The following MUC5B variants were observed in gnomAD, a reference collection of about 807,000 sequenced individuals.
The protein encoded by MUC5B is mucin 5B, oligomeric mucus/gel-forming.
A neutral mutation model predicts 376.9 loss-of-function variants in MUC5B; 116 were observed. That is an observed-to-expected ratio of 0.31 (90% CI 0.26 to 0.36). MUC5B has a LOEUF of 0.36. MUC5B is among the 10% of genes least tolerant of loss of function. The pLI, the probability that MUC5B is intolerant of heterozygous loss-of-function variation, is 1.00. For synonymous variants in MUC5B, 3,517 were observed against 3,390.9 expected, an observed-to-expected ratio of 1.04 and a Z score of -1.29; for missense variants, 7,165 against 7,769.9, an observed-to-expected ratio of 0.92 and a Z score of 2.93.
Position 1,239,929 on chromosome 11 carries a change from G to C in MUC5B, c.3714G>C (p.Glu1238Asp), listed in dbSNP as rs1420397253. ...YDVGARVPTA[E>D]NCQSCNCTPS... The stretch of plus-strand genomic sequence containing the variant: ...TCGGTGCAAGGGTCCCCACAGCGGA[G>C]AACTGCCAGAGCTGGTGAGGGGGTG... Residue 1238 changes from glutamate (E) to aspartate (D), a missense_variant, in exon 28 of 49, where the codon GAG becomes GAC. Around this residue, in one of 31 missense-constraint regions of MUC5B, gnomAD observed 517 missense variants for 545.3 expected, o/e 0.95. Transcript: ENST00000529681. The C allele has an allele frequency of 6.2e-7, 1 of 1,613,248 alleles. No individual in the cohort carries two copies. Among genetic ancestry groups the C allele is most frequent in the Admixed American group, 1.7e-5 (1 of 59,952 alleles).
rs542410041 is a variant in MUC5B, at chr11:1,250,254, C to T, written c.13374C>T (p.Thr4458=). Residue 4458 remains threonine (T), a synonymous_variant, in exon 31 of 49, where the codon ACC becomes ACT. Transcript: ENST00000529681. The part of the protein sequence containing the change: ...WILTEPSTTA[T]VTVPTGSTAT... ...TCACAGAGCCGAGCACTACAGCCAC[C>T]GTGACGGTGCCCACCGGATCCACGG... is the stretch of plus-strand genomic sequence containing the variant. 4.6e-4 allele frequency: 746 copies of T among 1,612,460 alleles called. No homozygotes were observed. Among genetic ancestry groups the T allele is most frequent in the Non-Finnish European group, 5.5e-4 (652 of 1,179,284 alleles).
At position 1,255,154 on chromosome 11, in the gene MUC5B, T is replaced by C; in HGVS notation, c.15778T>C (p.Cys5260Arg). 1 of 1,567,532 alleles carries C rather than the reference T, an allele frequency of 6.4e-7. No individual in the cohort carries two copies. Among genetic ancestry groups the C allele is most frequent in the Non-Finnish European group, 8.6e-7 (1 of 1,157,562 alleles). ...WLVPDSRKDG[C>R]WAPTGTPPTA... ...GGTCCCCGACAGCAGAAAGGATGGCTGCTGGGCCCCGACTGGCACACCCCC... is the reference window on the plus strand; with the variant it reads ...GGTCCCCGACAGCAGAAAGGATGGCCGCTGGGCCCCGACTGGCACACCCCC... Residue 5260 changes from cysteine (C) to arginine (R), a missense_variant, in exon 36 of 49, where the codon TGC becomes CGC. By Grantham distance (180) the Cys-to-Arg change is radical (BLOSUM62 -3). Around this residue, in one of 31 missense-constraint regions of MUC5B, gnomAD observed 842 missense variants for 1,016.9 expected, o/e 0.83. Transcript: ENST00000529681.
Position 1,247,250 on chromosome 11 carries a change from G to A in MUC5B, c.10370G>A (p.Arg3457Gln), listed in dbSNP as rs371007525. Reference sequence around the variant, plus strand: ...AACACCACGGCCACCACACACGGGCGGTCCCTGCCCCCCAGCAGTCCCCAC... The same window carrying A: ...AACACCACGGCCACCACACACGGGCAGTCCCTGCCCCCCAGCAGTCCCCAC... ...VPNTTATTHG[R>Q]SLPPSSPHTV... The change falls in exon 31 of 49, where the codon CGG (arginine) becomes CAG (glutamine). Residue 3457 changes from arginine to glutamine, a missense_variant. Physicochemically the swap from Arg to Gln is conservative, Grantham distance 43 (BLOSUM62 1). Transcript: ENST00000529681. The A allele has an allele frequency of 5.3e-5, 86 of 1,611,974 alleles. No individual in the cohort carries two copies. In the Middle Eastern group the frequency reaches 3.3e-3, roughly 62 times the overall value.
At chr11:1,227,177 A>G (rs778449982) in intron 5 of MUC5B, 32 bp downstream of exon 5, 1 of 1,596,544 alleles carries the variant, frequency 6.3e-7, no homozygotes, top group Non-Finnish European at 8.6e-7. Context: ...TTGCCCCTTC[A>G]GGCCTGGCCA....
In MUC5B at chr11:1,248,718, A is replaced by C; in HGVS notation, c.11838A>C (p.Ser3946=). 1 of 1,564,506 alleles carries C rather than the reference A, an allele frequency of 6.4e-7. No individual in the cohort carries two copies. Among genetic ancestry groups the C allele is most frequent in the South Asian group, 1.2e-5 (1 of 86,556 alleles). The change falls in exon 31 of 49, where the codon TCA becomes TCC. Residue 3946 remains serine, a synonymous_variant. Coordinates refer to ENST00000529681, the MANE Select transcript of MUC5B (RefSeq NM_002458.3). ...CACAGACCAGTGGTACTCCCCCATC[A>C]CTGATCACCACGGCCACTACGATCA... is the stretch of plus-strand genomic sequence containing the variant. The part of the protein sequence containing the change: ...SSTQTSGTPP[S]LITTATTITA...
chr11:1,242,295 C>T lies in MUC5B; in HGVS notation c.5415C>T (p.Gly1805=), dbSNP rs369279116. The T allele has an allele frequency of 1.6e-4, 255 of 1,613,706 alleles. No homozygotes were observed. The highest frequency in any genetic ancestry group is 1.8e-4 in the Admixed American group (11 of 59,986). ...DVDFPTSGVA[G]GDMETFENIR... The stretch of plus-strand genomic sequence containing the variant: ...ACTTCCCAACCTCAGGGGTTGCAGG[C>T]GGGGACATGGAAACTTTTGAAAACA... Residue 1805 remains glycine (G), a synonymous_variant, in exon 31 of 49, where the codon GGC becomes GGT. Coordinates refer to ENST00000529681, the MANE Select transcript of MUC5B (RefSeq NM_002458.3).
At chr11:1,232,842 C>G in intron 17 of MUC5B, 72 bp downstream of exon 17, 1 of 1,500,356 alleles carries the variant, frequency 6.7e-7, no homozygotes, top group South Asian at 1.3e-5. Context: ...CCGGCAGCAG[C>G]CGTCACTCAC....
chr11:1,246,718 C>T lies in MUC5B; in HGVS notation c.9838C>T (p.Leu3280Phe). The T allele has an allele frequency of 6.2e-7, 1 of 1,609,872 alleles. No individual in the cohort carries two copies. The highest frequency in any genetic ancestry group is 8.5e-7 in the Non-Finnish European group (1 of 1,177,414). ...AGAGACTGTCCACACCTCCACAGTG[C>T]TTACCACCACGACCACCACAACCAG... Reference protein sequence around the residue: ...TPETVHTSTVLTTTTTTTRAT... With the variant: ...TPETVHTSTVFTTTTTTTRAT... Residue 3280 changes from leucine to phenylalanine, a missense_variant, in exon 31 of 49, where the codon CTT (leucine) becomes TTT (phenylalanine). Leu to Phe is a conservative substitution (Grantham distance 22, BLOSUM62 0). This residue lies in a region of MUC5B where 939 missense variants were observed against 770.6 expected (regional missense o/e 1.22). Coordinates refer to ENST00000529681, the MANE Select transcript of MUC5B (RefSeq NM_002458.3).
rs1862448815 is a variant in MUC5B at position 1,245,996 on chromosome 11, C to G, written c.9116C>G (p.Ala3039Gly). 9.3e-6 allele frequency: 15 copies of G among 1,612,972 alleles called. No individual in the cohort carries two copies. The highest frequency in any genetic ancestry group is 1.3e-5 in the Non-Finnish European group (15 of 1,179,610). ...ACACCCACAGCCACCAGTTCCAAAG[C>G]CACTTCCTCCTCCAGTCCAAGGACT... ...ATTPTATSSK[A>G]TSSSSPRTAT... Residue 3039 changes from alanine (A) to glycine (G), a missense_variant, in exon 31 of 49, where the codon GCC becomes GGC. Physicochemically the swap from Ala to Gly is moderately conservative, Grantham distance 60 (BLOSUM62 0). Transcript: ENST00000529681.
At position 1,223,112 on chromosome 11, in the gene MUC5B, C is replaced by T. The variant is rs767650761; in HGVS notation, c.-12C>T. On this transcript the variant is annotated 5_prime_UTR_variant, in exon 1 of 49. Transcript: ENST00000529681. ...GCCCGTCCCCGTCCCCCCACCCGTGCCAGCCCCCAGGATGGGTGCCCCGAG... is the reference window on the plus strand; with the variant it reads ...GCCCGTCCCCGTCCCCCCACCCGTGTCAGCCCCCAGGATGGGTGCCCCGAG... 1.3e-5 allele frequency: 9 copies of T among 699,436 alleles called. No homozygotes were observed. Among genetic ancestry groups the T allele is most frequent in the South Asian group, 4.5e-5 (3 of 67,174 alleles). 43.3% of individuals were successfully genotyped at this position (699,436 alleles called of 1,614,324 possible). A position where few individuals can be genotyped will look rare whatever the true frequency, so the allele number is the denominator to read the frequency against.
At position 1,253,743 on chromosome 11, in the gene MUC5B, CCT is replaced by C. The variant is rs1441773590; in HGVS notation, c.15218-344_15218-343del. ...CTGCCTCTGCCTCTCTGTGGCCTCC[CCT>C]CTCTGTGTCTGTGTCTCTTCTGTCT... On this transcript the variant is annotated intron_variant, in intron 33 of 48. Transcript: ENST00000529681. This position sits in a 1 kb window ranked among gnomAD's most constrained non-coding sequence, Gnocchi z 4.3. 6.6e-6 allele frequency among the ~76,000 whole-genome samples: 1 copy of C among 152,160 alleles called. No individual in the cohort carries two copies. The highest frequency in any genetic ancestry group is 2.1e-4 in the South Asian group (1 of 4,830).
chr11:1,233,600 C>A (rs887774660), intron 18 of MUC5B, among the ~76,000 whole-genome samples, 193 bp from the exon 19 acceptor site: 3 of 152,126 alleles, frequency 2.0e-5, no homozygotes, highest in Non-Finnish European at 2.9e-5. Context: ...TTGCTGCCCC[C>A]CTGTGTGTAT....
At chr11:1,231,582 C>A (rs754202606) in intron 14 of MUC5B, 22 bp downstream of exon 14, 5 of 1,552,388 alleles carry the variant, frequency 3.2e-6, no homozygotes, top group East Asian at 2.4e-5. Context: ...CAGGGGCCTT[C>A]GGGGACAGGG....
At position 1,259,987 on chromosome 11, in the gene MUC5B, C is replaced by T. The variant is rs966037777; in HGVS notation, c.16825C>T (p.His5609Tyr). ...VQLNETWVNSHVDNCTVYLCE... is the reference protein window; with the variant it reads ...VQLNETWVNSYVDNCTVYLCE... The stretch of plus-strand genomic sequence containing the variant: ...GCTGAATGAAACCTGGGTCAACAGC[C>T]ATGTGGACAACTGCACCGTGTACCT... The change falls in exon 46 of 49, where the codon CAT becomes TAT. Residue 5609 changes from histidine to tyrosine, a missense_variant. His to Tyr is a moderately conservative substitution (Grantham distance 83). This residue lies in a region of MUC5B where 842 missense variants were observed against 1,016.9 expected (regional missense o/e 0.83). Coordinates refer to ENST00000529681, the MANE Select transcript of MUC5B (RefSeq NM_002458.3). 2 of 1,612,952 alleles carry T rather than the reference C, an allele frequency of 1.2e-6. No individual in the cohort carries two copies. Among genetic ancestry groups the T allele is most frequent in the Non-Finnish European group, 8.5e-7 (1 of 1,179,750 alleles).
chr11:1,226,150 G>A, intron 2 of MUC5B, 55 bp from the exon 3 acceptor site: 3 of 1,502,514 alleles, frequency 2.0e-6, no homozygotes, highest in South Asian at 2.4e-5. Context: ...CGGGGAGGGT[G>A]TCTCTGCTTC....
Position 1,226,258 on chromosome 11 carries a change from G to A in MUC5B, c.181G>A (p.Val61Ile). 1 of 1,556,444 alleles carries A rather than the reference G, an allele frequency of 6.4e-7. No homozygotes were observed. The highest frequency in any genetic ancestry group is 1.2e-5 in the South Asian group (1 of 84,304). Residue 61 changes from valine to isoleucine, a missense_variant, in exon 3 of 49, where the codon GTC (valine) becomes ATC (isoleucine). Transcript: ENST00000529681. ...RRVSFVPPVT[V>I]FPSLSPLNPA... is the part of the protein sequence containing the mutation. ...CGTGAGCTTTGTTCCACCCGTCACT[G>A]TCTTCCCCAGCCTGAGCCGTAAGCA...
At chr11:1,229,649 C>T (rs1255241548) in intron 9 of MUC5B, 41 bp from the exon 10 acceptor site, 3 of 1,494,690 alleles carry the variant, frequency 2.0e-6, no homozygotes, top group Admixed American at 2.0e-5. Flanking sequence ...CTTGGTGTCC[C>T]CCGTGCATGG....
rs758720064 is a variant in MUC5B, at chr11:1,232,653, T to C, written c.1948T>C (p.Phe650Leu). Reference sequence around the variant, plus strand: ...CCTCCCACCTCCGCAGAACTGCATGTTTGACACCTGCAACTGTGAGCGGAG... The same window carrying C: ...CCTCCCACCTCCGCAGAACTGCATGCTTGACACCTGCAACTGTGAGCGGAG... ...NPKPFHSNCM[F>L]DTCNCERSED... is the part of the protein sequence containing the mutation. The change falls in exon 17 of 49, where the codon TTT becomes CTT. Residue 650 changes from phenylalanine to leucine, a missense_variant. Transcript: ENST00000529681. 6.2e-7 allele frequency: 1 copy of C among 1,602,392 alleles called. No individual in the cohort carries two copies. The highest frequency in any genetic ancestry group is 1.7e-5 in the Admixed American group (1 of 58,588).
At chr11:1,256,281 T>G (rs1862832705) in intron 38 of MUC5B, 56 bp downstream of exon 38, 2 of 710,870 alleles carry the variant, frequency 2.8e-6, no homozygotes, top group East Asian at 2.7e-5. Flanking sequence ...CTGACCGGTC[T>G]GGGGGAGCAG....
Sources: allele counts gnomAD v4.1 joint callset (sites outside exome capture counted in the v4.1 genomes callset), GRCh38; gene constraint gnomAD v4.1.1; regional missense constraint gnomAD v4.1.1; non-coding constraint Gnocchi (gnomAD v3.1); transcripts MANE v1.5; gene names NCBI Gene and HGNC (gene_info 2026-07-23, HGNC 2026-07-21).